TTLL1: variants seen among roughly 807,000 people sequenced by gnomAD.
TTLL1 encodes the protein TTL family tubulin polyglutamylase complex subunit L1.
A neutral mutation model predicts 47.8 loss-of-function variants in TTLL1; 33 were observed. That is an observed-to-expected ratio of 0.69 (90% CI 0.52 to 0.92). The LOEUF (loss-of-function observed/expected upper bound fraction) is 0.92. Among genes scored for constraint, TTLL1 ranks in the 40% least tolerant of loss-of-function variants. The probability of loss-of-function intolerance (pLI) is 0.00; values close to 1 mark genes in which losing one functional copy is unlikely to be tolerated. For missense variants in TTLL1, 488 were observed against 547.5 expected (o/e 0.89, Z 1.08); for synonymous variants, 225 against 214.1 (o/e 1.05, Z -0.45).
chr22:43,064,191 T>A lies in TTLL1; in HGVS notation c.637A>T (p.Met213Leu), dbSNP rs758529891. The change falls in exon 6 of 11, where the codon ATG becomes TTG. Residue 213 changes from methionine to leucine, a missense_variant and splice_region_variant. Met to Leu is a conservative substitution (Grantham distance 15). Coordinates refer to ENST00000266254, the MANE Select transcript of TTLL1 (RefSeq NM_012263.5). The stretch of plus-strand genomic sequence containing the variant: ...AACCAAAACCTTAGGGACGCTTACA[T>A]GTAACAGCGCAGTGGACGGTACGTG... ...VSTYRPLRCY[M>L]YKLGFCRFCT... is the part of the protein sequence containing the mutation. 2 of 1,607,382 alleles carry A rather than the reference T, an allele frequency of 1.2e-6. No homozygotes were observed. The highest frequency in any genetic ancestry group is 2.2e-5 in the South Asian group (2 of 89,000).
chr22:43,043,252 T>C lies in TTLL1; in HGVS notation c.1142+3158A>G, dbSNP rs561091571. Among the ~76,000 whole-genome samples the C allele has an allele frequency of 2.4e-4, 36 of 152,100 alleles. No homozygotes were observed. The East Asian group carries it at 6.8e-3, about 29-fold the overall frequency. ...CACCATACCCAGCCTGGCCTCTGCTTCTTGGCCGGGAAATGGCGAGTCTGG... is the reference window on the plus strand; with the variant it reads ...CACCATACCCAGCCTGGCCTCTGCTCCTTGGCCGGGAAATGGCGAGTCTGG... On this transcript the variant is annotated intron_variant, in intron 10 of 10. Coordinates refer to ENST00000266254, the MANE Select transcript of TTLL1 (RefSeq NM_012263.5).
intron 5 of TTLL1, among the ~76,000 whole-genome samples, chr22:43,065,679 T>C (rs771139045): frequency 6.6e-6 from 1 of 151,842 alleles, no homozygotes; most frequent in Admixed American, 6.6e-5. Context: ...TGGGCTCAAG[T>C]GATAGTCTCA....
intron 8 of TTLL1, among the ~76,000 whole-genome samples, chr22:43,057,140 C>T (rs935612198): frequency 1.3e-5 from 2 of 152,020 alleles, no homozygotes; most frequent in Admixed American, 6.6e-5. Context: ...CATTGTGGCG[C>T]AAGCCTGTAA....
chr22:43,058,961 G>A (rs1298091271), intron 8 of TTLL1, among the ~76,000 whole-genome samples: 1 of 152,026 alleles, frequency 6.6e-6, no homozygotes. Flanking sequence ...CCAGCGTGCT[G>A]GGATTACAGG....
Position 43,046,502 on chromosome 22 carries a change from G to A in TTLL1, c.1050C>T (p.Asp350=), listed in dbSNP as rs763654687. ...CATTCGGGACGGCGATGTTGAGGGT[G>A]TCATTAATCAGGTTGTACTTGAGGA... ...DRILKYNLIN[D]TLNIAVPNGE... Residue 350 remains aspartate, a synonymous_variant, in exon 10 of 11, where the codon GAC becomes GAT. Transcript: ENST00000266254. The A allele has an allele frequency of 1.6e-5, 26 of 1,614,042 alleles. No homozygotes were observed. The African/African-American group carries it at 2.7e-4, about 17-fold the overall frequency.
At position 43,046,405 on chromosome 22, in the gene TTLL1, C is replaced by T. The variant is rs1445188917; in HGVS notation, c.1142+5G>A. 2.5e-6 allele frequency: 4 copies of T among 1,613,882 alleles called. No homozygotes were observed. Among genetic ancestry groups the T allele is most frequent in the Admixed American group, 3.3e-5 (2 of 59,946 alleles). On this transcript the variant is annotated splice_donor_5th_base_variant and intron_variant, in intron 10 of 10. Coordinates refer to ENST00000266254, the MANE Select transcript of TTLL1 (RefSeq NM_012263.5). Reference sequence around the variant, plus strand: ...GGACAAGCGCACAGTCACACACACACTTACAGAATCTCGTAATTGCCGAGG... The same window carrying T: ...GGACAAGCGCACAGTCACACACACATTTACAGAATCTCGTAATTGCCGAGG...
chr22:43,061,752 C>T (rs1034032836), intron 7 of TTLL1, among the ~76,000 whole-genome samples: 3 of 152,146 alleles, frequency 2.0e-5, no homozygotes, highest in Non-Finnish European at 4.4e-5. Context: ...GCTACCCTGG[C>T]GTCCTTTCAG....
At chr22:43,088,793 T>C (rs1282927202) in intron 1 of TTLL1, among the ~76,000 whole-genome samples, 1 of 152,154 alleles carries the variant, frequency 6.6e-6, no homozygotes, top group African/African-American at 2.4e-5. Context: ...ATGCCCCAGC[T>C]ACTCTATGGA....
At chr22:43,042,959 A>C (rs1325884186) in intron 10 of TTLL1, among the ~76,000 whole-genome samples, 1 of 99,900 alleles carries the variant, frequency 1.0e-5, no homozygotes, top group Non-Finnish European at 1.9e-5. Context: ...TTTTTTTTTG[A>C]GGCAGACTTT....
chr22:43,073,142 A>C (rs1217021147), intron 3 of TTLL1, among the ~76,000 whole-genome samples: 1 of 150,140 alleles, frequency 6.7e-6, no homozygotes, highest in Admixed American at 6.7e-5. Context: ...CAGCCTCTCA[A>C]GTAGCTGGGA....
chr22:43,048,048 T>C (rs1055213452), intron 9 of TTLL1, among the ~76,000 whole-genome samples: 1 of 152,034 alleles, frequency 6.6e-6, no homozygotes, highest in African/African-American at 2.4e-5. Context: ...CCGGGCGCGG[T>C]GGCTCATGCC....
intron 1 of TTLL1, among the ~76,000 whole-genome samples, chr22:43,080,694 C>A (rs548802697): frequency 6.6e-6 from 1 of 152,048 alleles, no homozygotes; most frequent in East Asian, 1.9e-4. Flanking sequence ...ATTCAAGGTA[C>A]AGTTCAAAGG....
chr22:43,059,328 C>A (rs1927239857), intron 8 of TTLL1, 56 bp downstream of exon 8: 5 of 1,564,156 alleles, frequency 3.2e-6, no homozygotes, highest in Admixed American at 1.9e-5. Flanking sequence ...GACAGCAAGC[C>A]CCCCCACTCC....
At chr22:43,083,557 C>T (rs1461090380) in intron 1 of TTLL1, among the ~76,000 whole-genome samples, 7 of 152,062 alleles carry the variant, frequency 4.6e-5, no homozygotes, top group African/African-American at 1.4e-4. Flanking sequence ...ACAGAAACCC[C>T]GTCTCTACTA....
intron 8 of TTLL1, among the ~76,000 whole-genome samples, chr22:43,054,423 CTT>C (rs767193512): frequency 2.4e-4 from 33 of 139,174 alleles, no homozygotes; most frequent in Non-Finnish European, 2.7e-4. Flanking sequence ...GACATAATCT[CTT>C]TTTTTTTTTT....
intron 10 of TTLL1, among the ~76,000 whole-genome samples, chr22:43,042,738 A>G (rs1245373766): frequency 6.6e-6 from 1 of 152,124 alleles, no homozygotes; most frequent in African/African-American, 2.4e-5. Context: ...TGCACCTGAA[A>G]ATGGAGCTGG....
chr22:43,050,657 G>T (rs1926555098), intron 9 of TTLL1, among the ~76,000 whole-genome samples: 1 of 151,834 alleles, frequency 6.6e-6, no homozygotes, highest in African/African-American at 2.4e-5. Context: ...CCGGTAGCTG[G>T]GATTACAGGT....
intron 9 of TTLL1, among the ~76,000 whole-genome samples, chr22:43,050,649 G>A (rs1264697648): frequency 1.3e-5 from 2 of 151,508 alleles, no homozygotes; most frequent in Admixed American, 6.6e-5. Context: ...CGGCCTCCCC[G>A]GTAGCTGGGA....
intron 8 of TTLL1, among the ~76,000 whole-genome samples, chr22:43,054,062 G>A (rs1019775223): frequency 2.6e-5 from 4 of 152,180 alleles, no homozygotes; most frequent in African/African-American, 9.7e-5. Context: ...TGGTGTCAGG[G>A]TCCCAGTTTC....
Sources: gnomAD v4.1 joint callset for allele counts (sites outside exome capture counted in the v4.1 genomes callset) on GRCh38, gnomAD v4.1.1 for gene constraint, MANE v1.5 for transcripts, NCBI Gene and HGNC (gene_info 2026-07-23, HGNC 2026-07-21) for gene names.